The following SCFD2 variants were observed in gnomAD, a reference collection of about 807,000 sequenced individuals.
SCFD2 encodes sec1 family domain-containing protein 2.
Under a neutral mutation model 58.9 loss-of-function variants are expected in SCFD2, and 54 were observed. That is an observed-to-expected ratio of 0.92 (90% CI 0.74 to 1.15). The LOEUF is 1.15. SCFD2 is among the 50% of genes most tolerant of loss of function. The pLI is 0.00. For missense variants in SCFD2, 805 were observed against 836.6 expected, an observed-to-expected ratio of 0.96 and a Z score of 0.47; for synonymous variants, 321 against 335.9, an observed-to-expected ratio of 0.96 and a Z score of 0.49.
chr4:52,929,467 G>A (rs1037178919), intron 5 of SCFD2, among the ~76,000 whole-genome samples: 5 of 152,206 alleles, frequency 3.3e-5, no homozygotes, highest in African/African-American at 1.2e-4. Flanking sequence ...AGGCAGGTTT[G>A]GGATGTGTGA....
chr4:53,231,113 A>C (rs1729423802), intron 4 of SCFD2, among the ~76,000 whole-genome samples: 1 of 152,160 alleles, frequency 6.6e-6, no homozygotes. Flanking sequence ...ATGGCATACT[A>C]AGAAAGGAAC....
At chr4:53,218,052 C>T (rs920152458) in intron 4 of SCFD2, among the ~76,000 whole-genome samples, 2 of 152,178 alleles carry the variant, frequency 1.3e-5, no homozygotes, top group Non-Finnish European at 2.9e-5. Context: ...GTAACCCGAC[C>T]TTTCTCTCTG....
intron 4 of SCFD2, among the ~76,000 whole-genome samples, chr4:53,232,532 C>A (rs1192476585): frequency 6.6e-6 from 1 of 152,092 alleles, no homozygotes; most frequent in East Asian, 1.9e-4. Context: ...TGTAATTGCC[C>A]AGCTGTGGAT....
intron 2 of SCFD2, among the ~76,000 whole-genome samples, chr4:53,342,231 C>T (rs1733901836): frequency 1.3e-5 from 2 of 152,148 alleles, no homozygotes; most frequent in Non-Finnish European, 2.9e-5. Flanking sequence ...TGCAGAGACA[C>T]ACACAGGCTC....
At chr4:53,136,937 C>A (rs575177808) in intron 5 of SCFD2, among the ~76,000 whole-genome samples, 1 of 152,284 alleles carries the variant, frequency 6.6e-6, no homozygotes, top group South Asian at 2.1e-4. Context: ...TCAGTATACA[C>A]TGTAAAAAAT....
intron 4 of SCFD2, among the ~76,000 whole-genome samples, chr4:53,188,447 G>A (rs1727800209): frequency 6.6e-6 from 1 of 151,252 alleles, no homozygotes; most frequent in Non-Finnish European, 1.5e-5. Context: ...GTGTGTGTGT[G>A]TGTGTGTGTG....
intron 2 of SCFD2, among the ~76,000 whole-genome samples, chr4:53,317,655 C>A (rs1020760591): frequency 1.3e-5 from 2 of 152,208 alleles, no homozygotes; most frequent in African/African-American, 4.8e-5. Flanking sequence ...GGACTATATG[C>A]AACGGCCAGT....
intron 4 of SCFD2, among the ~76,000 whole-genome samples, chr4:53,173,347 A>G (rs1205704030): frequency 6.6e-6 from 1 of 152,144 alleles, no homozygotes; most frequent in African/African-American, 2.4e-5. Flanking sequence ...CACCCTGATA[A>G]AGTCAAAAAA....
At chr4:53,218,109 C>G (rs1728915307) in intron 4 of SCFD2, among the ~76,000 whole-genome samples, 2 of 152,172 alleles carry the variant, frequency 1.3e-5, no homozygotes, top group African/African-American at 4.8e-5. Context: ...GTGAATCTGA[C>G]AATTATGTGT....
chr4:53,263,860 A>G (rs558489017), intron 4 of SCFD2, among the ~76,000 whole-genome samples: 2 of 152,170 alleles, frequency 1.3e-5, no homozygotes, highest in African/African-American at 4.8e-5. Flanking sequence ...AGAGCCCCCA[A>G]GAGATTATAT....
intron 3 of SCFD2, among the ~76,000 whole-genome samples, chr4:53,289,068 TA>T (rs1192190092): frequency 7.9e-5 from 12 of 152,144 alleles, no homozygotes; most frequent in African/African-American, 2.2e-4. Flanking sequence ...ATTATCAAGT[TA>T]AAATAAATGG....
chr4:53,110,678 C>A (rs1725143592), intron 5 of SCFD2, among the ~76,000 whole-genome samples: 1 of 152,160 alleles, frequency 6.6e-6, no homozygotes, highest in Non-Finnish European at 1.5e-5. Flanking sequence ...ATTAAAAAGT[C>A]AGGAAACAAC....
intron 4 of SCFD2, among the ~76,000 whole-genome samples, chr4:53,221,824 GCTCTACTACAGCTGGTGA>G (rs1270356570): frequency 2.0e-5 from 3 of 152,212 alleles, no homozygotes; most frequent in African/African-American, 7.2e-5. Context: ...AGATCCAGCA[GCTCTACTACAGCTGGTGA>G]CATTTCCAGT....
chr4:52,912,083 A>G (rs1294333029), intron 6 of SCFD2, among the ~76,000 whole-genome samples: 1 of 151,830 alleles, frequency 6.6e-6, no homozygotes, highest in Non-Finnish European at 1.5e-5. Flanking sequence ...TTAGTAAACA[A>G]TCAGTATGCA....
intron 5 of SCFD2, among the ~76,000 whole-genome samples, chr4:53,003,012 C>G (rs1721898855): frequency 6.6e-6 from 1 of 152,182 alleles, no homozygotes; most frequent in Non-Finnish European, 1.5e-5. Flanking sequence ...CGCTCACTAT[C>G]AGCAGAACAG....
chr4:53,297,046 T>C (rs1732061482), intron 3 of SCFD2, among the ~76,000 whole-genome samples: 1 of 152,078 alleles, frequency 6.6e-6, no homozygotes, highest in African/African-American at 2.4e-5. Flanking sequence ...TTGAGGAGTG[T>C]TTTACTTCCA....
intron 5 of SCFD2, among the ~76,000 whole-genome samples, chr4:52,928,449 G>T (rs1475366621): frequency 1.3e-5 from 2 of 152,162 alleles, no homozygotes; most frequent in South Asian, 4.1e-4. Flanking sequence ...AGGTGTGGAG[G>T]TAATGATATA....
chr4:53,181,560 G>A (rs1178599466), intron 4 of SCFD2, among the ~76,000 whole-genome samples: 1 of 152,126 alleles, frequency 6.6e-6, no homozygotes, highest in Non-Finnish European at 1.5e-5. Flanking sequence ...TACTGAATGG[G>A]CAAAAACTGG....
chr4:53,336,142 T>G (rs1733677303), intron 2 of SCFD2, among the ~76,000 whole-genome samples: 1 of 152,208 alleles, frequency 6.6e-6, no homozygotes, highest in Admixed American at 6.5e-5. Context: ...CATGGACTAG[T>G]GTTGGATAAT....
Sources: allele counts gnomAD v4.1 joint callset (sites outside exome capture counted in the v4.1 genomes callset), GRCh38; gene constraint gnomAD v4.1.1; transcripts MANE v1.5; gene names NCBI Gene and HGNC (gene_info 2026-07-23, HGNC 2026-07-21).